Variants in XKR9 observed in about 807,000 individuals in gnomAD.
The protein encoded by XKR9 is XK related 9.
Under a neutral mutation model 32.0 loss-of-function variants are expected in XKR9, and 32 were observed. That is an observed-to-expected ratio of 1.00 (90% CI 0.76 to 1.34). The LOEUF is 1.34. XKR9 is among the 40% of genes most tolerant of loss of function. The pLI is 0.00. For synonymous variants in XKR9, 168 were observed against 143.4 expected, an observed-to-expected ratio of 1.17 and a Z score of -1.22; for missense variants, 546 against 429.7, an observed-to-expected ratio of 1.27 and a Z score of -2.39.
the XKR9 span, among the ~76,000 whole-genome samples, chr8:70,907,785 C>T: frequency 3.9e-5 from 6 of 152,118 alleles, no homozygotes; most frequent in Admixed American, 3.3e-4. Flanking sequence ...CATATTTATT[C>T]TTTGCTTTCT....
intron 2 of XKR9, among the ~76,000 whole-genome samples, chr8:70,788,601 A>G (rs1044453086): frequency 6.6e-6 from 1 of 152,146 alleles, no homozygotes; most frequent in South Asian, 2.1e-4. Context: ...TATAAAAGCA[A>G]TAGCATATAT....
intron 2 of XKR9, among the ~76,000 whole-genome samples, chr8:70,767,598 G>A (rs1412333328): frequency 4.8e-5 from 7 of 145,524 alleles, no homozygotes; most frequent in South Asian, 2.2e-4. Flanking sequence ...CTGGGTTCAC[G>A]TCATTCTCCT....
downstream of XKR9, among the ~76,000 whole-genome samples, chr8:70,792,227 A>G (rs1037019872): frequency 6.6e-6 from 1 of 152,080 alleles, no homozygotes; most frequent in Non-Finnish European, 1.5e-5. Flanking sequence ...TCTGGGCATT[A>G]TGGGGAAACA....
chr8:70,859,955 T>G, the XKR9 span, among the ~76,000 whole-genome samples: 16 of 152,236 alleles, frequency 1.1e-4, no homozygotes, highest in Admixed American at 8.5e-4. Flanking sequence ...GACAACAATG[T>G]GTTGTGTATT....
chr8:70,917,411 C>T, the XKR9 span, among the ~76,000 whole-genome samples: 2 of 152,206 alleles, frequency 1.3e-5, no homozygotes, highest in African/African-American at 4.8e-5. Context: ...GTTTTGTTCA[C>T]GTCTATGTCC....
At chr8:70,894,674 C>G in the XKR9 span, among the ~76,000 whole-genome samples, 4 of 152,090 alleles carry the variant, frequency 2.6e-5, no homozygotes, top group Non-Finnish European at 5.9e-5. Flanking sequence ...ACCAAGGCAC[C>G]ATTTCTTAGG....
chr8:70,681,878 T>G (rs1819094851), intron 3 of XKR9, among the ~76,000 whole-genome samples: 1 of 152,082 alleles, frequency 6.6e-6, no homozygotes, highest in South Asian at 2.1e-4. Flanking sequence ...TTTTATGACC[T>G]CTCCATTATT....
In XKR9 at chr8:70,757,104, G is replaced by GTGATTTTT. The variant is rs1208947853; in HGVS notation, n.353-32234_353-32227dup. Reference sequence around the variant, plus strand: ...TTTCTGTGTCTATTGAGATAATCATGTGATTTTTGTTTTTTAGCTTACTTA... The same window carrying GTGATTTTT: ...TTTCTGTGTCTATTGAGATAATCATGTGATTTTTTGATTTTTGTTTTTTAGCTTACTTA... On this transcript the variant is annotated intron_variant and non_coding_transcript_variant, in intron 2 of 3. Transcript: ENST00000520273. 2.0e-5 allele frequency among the ~76,000 whole-genome samples: 3 copies of GTGATTTTT among 152,092 alleles called. No individual in the cohort carries two copies. The East Asian group carries it at 5.8e-4, about 29-fold the overall frequency.
At chr8:70,728,353 T>A (rs1806547298) in intron 4 of XKR9, among the ~76,000 whole-genome samples, 1 of 152,222 alleles carries the variant, frequency 6.6e-6, no homozygotes, top group Non-Finnish European at 1.5e-5. Flanking sequence ...TGGGGGTAGG[T>A]GCTGACCCCA....
At chr8:71,015,606 A>T in the XKR9 span, among the ~76,000 whole-genome samples, 65,752 of 152,008 alleles carry the variant, frequency 0.43, 15,283 homozygotes, top group Non-Finnish European at 0.53. Flanking sequence ...ATGAAAGCCC[A>T]GCAGACTTAT....
the XKR9 span, among the ~76,000 whole-genome samples, chr8:71,065,789 A>C: frequency 6.6e-6 from 1 of 152,200 alleles, no homozygotes; most frequent in Non-Finnish European, 1.5e-5. Context: ...TTCCAAAATA[A>C]AGAGATTTCA....
rs149951737 is a variant in XKR9 at position 70,715,205 on chromosome 8, A to G, written c.493+8052A>G. 3.8e-3 allele frequency among the ~76,000 whole-genome samples: 586 copies of G among 152,312 alleles called. 7 individuals are homozygous for G. The highest frequency in any genetic ancestry group is 0.013 in the African/African-American group (553 of 41,572). Reference sequence around the variant, plus strand: ...CTTACTAATCTTACTTATTGAAGCAAATCATGTAAACATGTCCCCTATGCT... The same window carrying G: ...CTTACTAATCTTACTTATTGAAGCAGATCATGTAAACATGTCCCCTATGCT... On this transcript the variant is annotated intron_variant, in intron 4 of 4. Coordinates refer to ENST00000408926, the MANE Select transcript of XKR9 (RefSeq NM_001011720.2).
chr8:70,811,608 T>C, the XKR9 span, among the ~76,000 whole-genome samples: 1 of 151,962 alleles, frequency 6.6e-6, no homozygotes, highest in South Asian at 2.1e-4. Flanking sequence ...ATAAAGGGGA[T>C]ATTACCACCG....
At chr8:70,759,659 G>C (rs573984171) in intron 2 of XKR9, among the ~76,000 whole-genome samples, 31 of 152,218 alleles carry the variant, frequency 2.0e-4, no homozygotes, top group South Asian at 4.1e-4. Flanking sequence ...GTAGGAGAGG[G>C]ACTGCATTCC....
the XKR9 span, among the ~76,000 whole-genome samples, chr8:70,826,724 G>T: frequency 6.6e-6 from 1 of 152,064 alleles, no homozygotes; most frequent in African/African-American, 2.4e-5. Context: ...CTCAAATGTT[G>T]TCTGTGTAGA....
intron 2 of XKR9, among the ~76,000 whole-genome samples, chr8:70,773,322 G>T (rs753037545): frequency 1.3e-5 from 2 of 152,184 alleles, no homozygotes; most frequent in African/African-American, 4.8e-5. Context: ...GAGATTATGC[G>T]TTAACAAATT....
the XKR9 span, among the ~76,000 whole-genome samples, chr8:70,891,346 G>A: frequency 6.6e-6 from 1 of 151,638 alleles, no homozygotes. Context: ...GGTTTGGTTT[G>A]TTCTTACTTT....
the XKR9 span, among the ~76,000 whole-genome samples, chr8:70,961,352 A>C: frequency 5.9e-5 from 9 of 152,104 alleles, no homozygotes; most frequent in East Asian, 1.7e-3. Flanking sequence ...GGATGAGATG[A>C]AGGTGAGCAA....
chr8:71,003,501 C>G, the XKR9 span, among the ~76,000 whole-genome samples: 1 of 151,328 alleles, frequency 6.6e-6, no homozygotes, highest in Non-Finnish European at 1.5e-5. Flanking sequence ...TCCACAAATT[C>G]TCTAGTAAAG....
Sources: allele counts gnomAD v4.1 joint callset (sites outside exome capture counted in the v4.1 genomes callset), GRCh38; gene constraint gnomAD v4.1.1; transcripts MANE v1.5; gene names NCBI Gene and HGNC (gene_info 2026-07-23, HGNC 2026-07-21).